The following BCAS3 variants were observed in gnomAD, a reference collection of about 807,000 sequenced individuals.
The protein encoded by BCAS3 is BCAS3 microtubule associated cell migration factor.
In BCAS3, 53 loss-of-function variants were observed where a neutral mutation model predicts 116.1. The ratio of observed to expected loss-of-function variants is 0.46; its 90% CI spans 0.37 to 0.57. The LOEUF (loss-of-function observed/expected upper bound fraction) is 0.57, where lower values mean the gene tolerates loss of function less well. BCAS3 is among the 20% of genes least tolerant of loss of function. BCAS3 has a pLI of 0.00. For missense variants in BCAS3, 917 were observed against 1,165.4 expected (o/e 0.79, Z 3.10); for synonymous variants, 391 against 408.2 (o/e 0.96, Z 0.51).
At chr17:61,262,307 A>T (rs2049271759) in intron 22 of BCAS3, among the ~76,000 whole-genome samples, 2 of 152,194 alleles carry the variant, frequency 1.3e-5, no homozygotes, top group Admixed American at 1.3e-4. Flanking sequence ...CCTTTACAGG[A>T]AATGTATAAG....
intron 7 of BCAS3, among the ~76,000 whole-genome samples, chr17:60,816,279 C>CTTTTTTT (rs537982584): frequency 7.1e-6 from 1 of 140,108 alleles, no homozygotes. Flanking sequence ...TTTTTCTTTT[C>CTTTTTTT]TTTTTTTTTT....
rs751243179 is a variant in BCAS3 at position 60,962,674 on chromosome 17, T to C, written c.1221+15322T>C. Reference sequence around the variant, plus strand: ...TCAGATGGATAGTTTGCAAATATTTTCTTCCATTCTGTGGGTTGTTTCTTC... The same window carrying C: ...TCAGATGGATAGTTTGCAAATATTTCCTTCCATTCTGTGGGTTGTTTCTTC... On this transcript the variant is annotated intron_variant, in intron 14 of 23. Transcript: ENST00000407086. The surrounding 1 kb of genome is among the most constrained non-coding windows in gnomAD (Gnocchi z 4.4). 1.3e-5 allele frequency among the ~76,000 whole-genome samples: 2 copies of C among 152,186 alleles called. No individual in the cohort carries two copies. The highest frequency in any genetic ancestry group is 2.9e-5 in the Non-Finnish European group (2 of 68,036).
intron 5 of BCAS3, among the ~76,000 whole-genome samples, chr17:60,745,675 A>G (rs1286883530): frequency 6.6e-6 from 1 of 152,098 alleles, no homozygotes; most frequent in Non-Finnish European, 1.5e-5. Context: ...AAGTTCTTAT[A>G]GTTTGGAATA....
rs142565778 is a variant in BCAS3, at chr17:60,902,531, C to G, written c.739-89C>G. The stretch of plus-strand genomic sequence containing the variant: ...ATTCCCACCCATCACCATCACTGTT[C>G]ACGGAAAATAAGCTCTATCCTGATA... On this transcript the variant is annotated intron_variant, in intron 10 of 23. Transcript: ENST00000407086. 218 of 1,061,024 alleles carry G rather than the reference C, an allele frequency of 2.1e-4. 1 individual carries two copies. The African/African-American group carries it at 3.0e-3, about 15-fold the overall frequency. 65.7% of individuals were successfully genotyped at this position (1,061,024 alleles called of 1,614,324 possible).
At chr17:60,931,848 G>A (rs1329673682) in intron 13 of BCAS3, among the ~76,000 whole-genome samples, 1 of 152,104 alleles carries the variant, frequency 6.6e-6, no homozygotes, top group Admixed American at 6.6e-5. Flanking sequence ...CAAGGCAGGT[G>A]GATAGCTTGA....
chr17:61,310,879 C>A (rs2054255339), intron 22 of BCAS3, among the ~76,000 whole-genome samples: 1 of 152,178 alleles, frequency 6.6e-6, no homozygotes, highest in Admixed American at 6.5e-5. Flanking sequence ...CGATGAGGAT[C>A]TTCTATGACA....
At chr17:61,292,279 C>T (rs888644582) in intron 22 of BCAS3, among the ~76,000 whole-genome samples, 4 of 152,242 alleles carry the variant, frequency 2.6e-5, no homozygotes, top group African/African-American at 9.6e-5. Context: ...CTCACAGCAG[C>T]TCTTGTATTT....
intron 22 of BCAS3, among the ~76,000 whole-genome samples, chr17:61,183,027 G>A (rs934142744): frequency 1.3e-5 from 2 of 152,204 alleles, no homozygotes; most frequent in East Asian, 3.8e-4. Flanking sequence ...TGTCCATGCT[G>A]ATTCTTAAGT....
rs2049228599 is a variant in BCAS3, at chr17:61,261,804, C to G, written c.2426-106523C>G. 6.6e-6 allele frequency among the ~76,000 whole-genome samples: 1 copy of G among 152,186 alleles called. No individual in the cohort carries two copies. Among genetic ancestry groups the G allele is most frequent in the African/African-American group, 2.4e-5 (1 of 41,444 alleles). On this transcript the variant is annotated intron_variant, in intron 22 of 23. Transcript: ENST00000407086. The surrounding 1 kb of genome is among the most constrained non-coding windows in gnomAD (Gnocchi z 4.4). ...TATCAGAATGGTTATATCATTCCCT[C>G]CAGGGCGCATAGCAATAACGTGAAT... is the stretch of plus-strand genomic sequence containing the variant.
Position 61,075,001 on chromosome 17 carries a change from A to G in BCAS3, c.2111A>G (p.Asp704Gly). The G allele has an allele frequency of 4.3e-6, 7 of 1,612,324 alleles. No homozygotes were observed. Among genetic ancestry groups the G allele is most frequent in the Non-Finnish European group, 5.9e-6 (7 of 1,178,754 alleles). The part of the protein sequence containing the change: ...SLASDHSGQE[D>G]EEWLSQVEIV... ...GCTTCTGACCATAGTGGACAGGAAG[A>G]TGAAGAATGGCTTTCCCAGGTAAAA... The change falls in exon 20 of 24, where the codon GAT becomes GGT. Residue 704 changes from aspartate to glycine, a missense_variant. This residue lies in a region of BCAS3 where 807 missense variants were observed against 1,026.0 expected (regional missense o/e 0.79). Transcript: ENST00000407086.
intron 9 of BCAS3, chr17:60,887,231 C>T (rs1232509781): frequency 6.6e-6 from 1 of 152,160 alleles, no homozygotes; most frequent in African/African-American, 2.4e-5. Context: ...TCACCCCTTT[C>T]TTTGACTCGG....
chr17:61,007,276 A>G lies in BCAS3; in HGVS notation c.1487-8475A>G, dbSNP rs1046289669. Among the ~76,000 whole-genome samples the G allele has an allele frequency of 2.0e-5, 3 of 151,942 alleles. No individual in the cohort carries two copies. Among genetic ancestry groups the G allele is most frequent in the East Asian group, 1.9e-4 (1 of 5,190 alleles). On this transcript the variant is annotated intron_variant, in intron 15 of 23. Transcript: ENST00000407086. This position sits in a 1 kb window ranked among gnomAD's most constrained non-coding sequence, Gnocchi z 4.3. Reference sequence around the variant, plus strand: ...GGAATTTTTGCCTCCTAAGTTTTCAATATTCCTTGTTCTAGGCCCACCTTG... The same window carrying G: ...GGAATTTTTGCCTCCTAAGTTTTCAGTATTCCTTGTTCTAGGCCCACCTTG...
rs1398480202 is a variant in BCAS3 at position 61,079,835 on chromosome 17, A to G, written c.2327+1306A>G. ...GGTCTTGAACTCCTTACCTCAAGTG[A>G]TCCTCCCGCCTTGGCCTCCCAAAAT... On this transcript the variant is annotated intron_variant, in intron 21 of 23. Coordinates refer to ENST00000407086, the MANE Select transcript of BCAS3 (RefSeq NM_017679.5). 2.1e-5 allele frequency among the ~76,000 whole-genome samples: 3 copies of G among 143,490 alleles called. No homozygotes were observed. The East Asian group carries it at 6.1e-4, about 29-fold the overall frequency. 94.1% of individuals were successfully genotyped at this position (143,490 alleles called of 152,430 possible).
Position 61,298,355 on chromosome 17 carries a change from G to A in BCAS3, c.2426-69972G>A, listed in dbSNP as rs547344011. ...AGAATGTCAGGTTTAAAAATCAGCT[G>A]TCCCCCCAGGCCCCTCCCCACCCAG... is the stretch of plus-strand genomic sequence containing the variant. On this transcript the variant is annotated intron_variant, in intron 22 of 23. Transcript: ENST00000407086. 7.2e-5 allele frequency among the ~76,000 whole-genome samples: 11 copies of A among 152,086 alleles called. No homozygotes were observed. The South Asian group carries it at 2.1e-3, about 29-fold the overall frequency.
chr17:60,900,020 A>G (rs1007184808), intron 10 of BCAS3: 4 of 152,434 alleles, frequency 2.6e-5, no homozygotes, highest in Non-Finnish European at 4.4e-5. Flanking sequence ...GTTCAGCATC[A>G]ATATGGTGAC....
At chr17:60,860,433 G>A (rs999389971) in intron 7 of BCAS3, among the ~76,000 whole-genome samples, 6 of 152,088 alleles carry the variant, frequency 3.9e-5, no homozygotes, top group African/African-American at 1.4e-4. Context: ...CCTTCTGCAG[G>A]TTGTTTGCTG....
rs1036485779 is a variant in BCAS3 at position 61,124,755 on chromosome 17, G to A, written c.2425+40191G>A. Among the ~76,000 whole-genome samples the A allele has an allele frequency of 6.6e-6, 1 of 152,180 alleles. No individual in the cohort carries two copies. The highest frequency in any genetic ancestry group is 1.9e-4 in the East Asian group (1 of 5,202). ...GGGTCTGCCTGCCAAGTGATCCCAG[G>A]TGTGGGATTGCAGCAGGTAATTTCC... On this transcript the variant is annotated intron_variant, in intron 22 of 23. Coordinates refer to ENST00000407086, the MANE Select transcript of BCAS3 (RefSeq NM_017679.5). The surrounding 1 kb of genome is among the most constrained non-coding windows in gnomAD (Gnocchi z 4.6).
At chr17:60,833,723 T>TA (rs1445562175) in intron 7 of BCAS3, among the ~76,000 whole-genome samples, 1 of 151,806 alleles carries the variant, frequency 6.6e-6, no homozygotes, top group African/African-American at 2.4e-5. Context: ...GTAAGGCACT[T>TA]ATATATTTTC....
chr17:61,035,809 G>A (rs2066983176), intron 17 of BCAS3, among the ~76,000 whole-genome samples: 2 of 152,166 alleles, frequency 1.3e-5, no homozygotes, highest in Non-Finnish European at 2.9e-5. Flanking sequence ...GGACTAATGG[G>A]TTGGTAGCGT....
Sources: allele counts gnomAD v4.1 joint callset (sites outside exome capture counted in the v4.1 genomes callset), GRCh38; gene constraint gnomAD v4.1.1; regional missense constraint gnomAD v4.1.1; non-coding constraint Gnocchi (gnomAD v3.1); transcripts MANE v1.5; gene names NCBI Gene and HGNC (gene_info 2026-07-23, HGNC 2026-07-21).